Variants in NEGR1 observed in about 807,000 individuals in gnomAD.
The protein encoded by NEGR1 is neuronal growth regulator 1.
Under a neutral mutation model 40.9 loss-of-function variants are expected in NEGR1, and 10 were observed. The observed-to-expected ratio is 0.24, with a 90% CI of 0.15 to 0.42. The LOEUF (loss-of-function observed/expected upper bound fraction) is 0.42. Among genes scored for constraint, NEGR1 ranks in the 10% least tolerant of loss-of-function variants. The pLI is 1.00. For missense variants in NEGR1, 352 were observed against 438.9 expected (o/e 0.80, Z 1.77); for synonymous variants, 185 against 166.8 (o/e 1.11, Z -0.84).
chr1:71,656,802 A>G (rs1344762038), intron 4 of NEGR1, among the ~76,000 whole-genome samples: 2 of 152,228 alleles, frequency 1.3e-5, no homozygotes, highest in Non-Finnish European at 2.9e-5. Flanking sequence ...TTCTATATCT[A>G]TGGATAATTT....
At chr1:72,189,351 C>T (rs1652730597) in intron 1 of NEGR1, among the ~76,000 whole-genome samples, 1 of 151,438 alleles carries the variant, frequency 6.6e-6, no homozygotes, top group African/African-American at 2.4e-5. Flanking sequence ...CAAGTTTACT[C>T]ATATTAATCT....
chr1:71,421,079 C>G (rs1646390699), intron 6 of NEGR1, among the ~76,000 whole-genome samples: 1 of 151,888 alleles, frequency 6.6e-6, no homozygotes, highest in Non-Finnish European at 1.5e-5. Flanking sequence ...TCAATTTGAA[C>G]TTTTTTAGTA....
intron 1 of NEGR1, among the ~76,000 whole-genome samples, chr1:72,170,184 A>AT (rs1055161221): frequency 6.6e-5 from 10 of 152,142 alleles, no homozygotes; most frequent in Non-Finnish European, 1.3e-4. Flanking sequence ...GCACTCAAAT[A>AT]TTTTTTGAAT....
intron 2 of NEGR1, among the ~76,000 whole-genome samples, chr1:71,900,443 A>G (rs1240077448): frequency 6.6e-6 from 1 of 152,190 alleles, no homozygotes; most frequent in Non-Finnish European, 1.5e-5. Context: ...AGGCAATTTT[A>G]ACAATGTAAA....
At chr1:72,182,778 G>GTATATA (rs10546486) in intron 1 of NEGR1, among the ~76,000 whole-genome samples, 331 of 146,878 alleles carry the variant, frequency 2.3e-3, no homozygotes, top group African/African-American at 7.5e-3. Context: ...GTGTGCGTGT[G>GTATATA]TATATATATA....
intron 1 of NEGR1, among the ~76,000 whole-genome samples, chr1:72,021,910 C>A (rs1202398976): frequency 6.6e-6 from 1 of 151,878 alleles, no homozygotes; most frequent in Non-Finnish European, 1.5e-5. Context: ...CCGAGGCGGG[C>A]GGATCATGAG....
intron 1 of NEGR1, among the ~76,000 whole-genome samples, chr1:72,107,830 T>C (rs1649197570): frequency 6.6e-6 from 1 of 151,382 alleles, no homozygotes; most frequent in African/African-American, 2.4e-5. Flanking sequence ...AATATATATG[T>C]ACAAATAAAC....
At chr1:71,791,697 G>A (rs1324600627) in intron 2 of NEGR1, among the ~76,000 whole-genome samples, 2 of 152,044 alleles carry the variant, frequency 1.3e-5, no homozygotes, top group Non-Finnish European at 2.9e-5. Flanking sequence ...GAGAGAAAAT[G>A]AGAACATTAG....
chr1:71,399,437 T>C lies in NEGR1; in HGVS notation c.*8009A>G, dbSNP rs139863655. On this transcript the variant is annotated 3_prime_UTR_variant, in exon 7 of 7. Coordinates refer to ENST00000357731, the MANE Select transcript of NEGR1 (RefSeq NM_173808.3). ...AAATCTGCTTTTCTCCATGTCAGTATTTACAGCAGGTGCCATCTTCTGATT... is the reference window on the plus strand; with the variant it reads ...AAATCTGCTTTTCTCCATGTCAGTACTTACAGCAGGTGCCATCTTCTGATT... 337 of 152,324 alleles carry C rather than the reference T, an allele frequency of 2.2e-3. 1 individual carries two copies. Among genetic ancestry groups the C allele is most frequent in the African/African-American group, 7.8e-3 (324 of 41,574 alleles). The allele number at this position is 152,324 out of a possible 1,614,324, so 9.4% of individuals were successfully genotyped here. A position where few individuals can be genotyped will look rare whatever the true frequency, so the allele number is the denominator to read the frequency against.
At chr1:72,093,557 G>A (rs1416806911) in intron 1 of NEGR1, among the ~76,000 whole-genome samples, 1 of 152,074 alleles carries the variant, frequency 6.6e-6, no homozygotes, top group Non-Finnish European at 1.5e-5. Context: ...GTAATGTCAG[G>A]TATTTATTAT....
chr1:72,099,731 A>T (rs1274465005), intron 1 of NEGR1, among the ~76,000 whole-genome samples: 2 of 152,094 alleles, frequency 1.3e-5, no homozygotes, highest in East Asian at 1.9e-4. Context: ...TAGCATCTAA[A>T]TTGTTTTTTA....
At chr1:71,876,628 AGAAG>A (rs1478003180) in intron 2 of NEGR1, among the ~76,000 whole-genome samples, 3 of 149,790 alleles carry the variant, frequency 2.0e-5, no homozygotes, top group Admixed American at 6.7e-5. Context: ...AAGGAAGGAA[AGAAG>A]GAAGGAAATA....
intron 2 of NEGR1, among the ~76,000 whole-genome samples, chr1:71,810,610 T>C (rs906641064): frequency 6.6e-6 from 1 of 152,166 alleles, no homozygotes; most frequent in Non-Finnish European, 1.5e-5. Flanking sequence ...TGTCGAATTA[T>C]AATCCCCAGT....
At chr1:71,786,517 G>T (rs562400554) in intron 2 of NEGR1, among the ~76,000 whole-genome samples, 25 of 152,244 alleles carry the variant, frequency 1.6e-4, no homozygotes, top group African/African-American at 6.0e-4. Context: ...TCTAAAAAAG[G>T]TTACCCACAG....
intron 1 of NEGR1, among the ~76,000 whole-genome samples, chr1:72,017,271 G>T (rs1488446277): frequency 6.6e-6 from 1 of 151,808 alleles, no homozygotes; most frequent in East Asian, 1.9e-4. Flanking sequence ...GTCAAAAGAG[G>T]GAGAAATTTT....
intron 1 of NEGR1, among the ~76,000 whole-genome samples, chr1:72,081,220 A>G (rs1486107): frequency 0.01 from 1,544 of 152,216 alleles, 20 homozygotes; most frequent in African/African-American, 0.035. Context: ...AGTACATCCT[A>G]GAGAAATCAA....
chr1:71,486,333 G>GT (rs1185045483), intron 6 of NEGR1: 5 of 150,778 alleles, frequency 3.3e-5, no homozygotes, highest in Non-Finnish European at 7.4e-5. Context: ...TTCTTTACAT[G>GT]TTTTGGGTAA....
At chr1:72,235,907 A>T (rs1654529811) in intron 1 of NEGR1, among the ~76,000 whole-genome samples, 1 of 152,060 alleles carries the variant, frequency 6.6e-6, no homozygotes, top group South Asian at 2.1e-4. Flanking sequence ...ATGAAAGTGA[A>T]TTTTTTAAAG....
At chr1:71,868,478 AC>A (rs1423815956) in intron 2 of NEGR1, among the ~76,000 whole-genome samples, 4 of 80,124 alleles carry the variant, frequency 5.0e-5, no homozygotes, top group African/African-American at 1.4e-4. Context: ...CAGAATACAT[AC>A]ATACATACAT....
Sources: allele counts gnomAD v4.1 joint callset (sites outside exome capture counted in the v4.1 genomes callset), GRCh38; gene constraint gnomAD v4.1.1; transcripts MANE v1.5; gene names NCBI Gene and HGNC (gene_info 2026-07-23, HGNC 2026-07-21).